The following ARFGEF1 variants were observed in gnomAD, a reference collection of about 807,000 sequenced individuals.
ARFGEF1 encodes ARF guanine nucleotide exchange factor 1.
In ARFGEF1, 42 loss-of-function variants were observed where a neutral mutation model predicts 231.0. The ratio of observed to expected loss-of-function variants is 0.18; its 90% CI spans 0.14 to 0.24. ARFGEF1 has a LOEUF of 0.24. Ranked by LOEUF, ARFGEF1 falls within the 10% of genes least tolerant of loss-of-function variation. The probability of loss-of-function intolerance (pLI) is 1.00; values close to 1 mark genes in which losing one functional copy is unlikely to be tolerated. For missense variants in ARFGEF1, 1,345 were observed against 2,192.0 expected (o/e 0.61, Z 7.72); for synonymous variants, 710 against 732.3 (o/e 0.97, Z 0.49).
Position 67,219,559 on chromosome 8 carries a change from C to T in ARFGEF1, c.4210G>A (p.Gly1404Ser). The T allele has an allele frequency of 6.3e-7, 1 of 1,587,478 alleles. No homozygotes were observed. Residue 1404 changes from glycine to serine, a missense_variant and splice_region_variant, in exon 30 of 39, where the codon GGT becomes AGT. Around this residue, in one of 14 missense-constraint regions of ARFGEF1, gnomAD observed 142 missense variants for 227.3 expected, o/e 0.62. Coordinates refer to ENST00000262215, the MANE Select transcript of ARFGEF1 (RefSeq NM_006421.5). The stretch of plus-strand genomic sequence containing the variant: ...ATTATTTCAAACATTACTGTTAAAC[C>T]CCTAAAATGACAAAACACAATTAGA... ...NRCKLDVRTR[G>S]LTVMFEIMKT...
intron 17 of ARFGEF1, among the ~76,000 whole-genome samples, 187 bp downstream of exon 17, chr8:67,257,545 A>C (rs1563868878): frequency 6.9e-6 from 1 of 144,866 alleles, no homozygotes; most frequent in Non-Finnish European, 1.5e-5. Flanking sequence ...ATAGATACCT[A>C]AAAGTCTAAT....
chr8:67,276,377 T>G (rs1223763409), intron 8 of ARFGEF1, among the ~76,000 whole-genome samples: 1 of 152,102 alleles, frequency 6.6e-6, no homozygotes, highest in African/African-American at 2.4e-5. Flanking sequence ...CTCATACTAT[T>G]ACTGACAAAA....
Position 67,282,675 on chromosome 8 carries a change from G to A in ARFGEF1, c.1028-5218C>T, listed in dbSNP as rs575634193. On this transcript the variant is annotated intron_variant, in intron 7 of 38. Coordinates refer to ENST00000262215, the MANE Select transcript of ARFGEF1 (RefSeq NM_006421.5). The stretch of plus-strand genomic sequence containing the variant: ...AGCCTGGCCAACATGGTAAAACCCC[G>A]TCTCTACCAAAAAAATACAAAAATT... Among the ~76,000 whole-genome samples the A allele has an allele frequency of 1.1e-4, 16 of 151,760 alleles. 1 individual carries two copies. In the South Asian group the frequency reaches 2.3e-3, roughly 22 times the overall value.
chr8:67,258,195 G>A lies in ARFGEF1; in HGVS notation c.2331C>T (p.Phe777=), dbSNP rs201018737. ...VDQHDFSGKD[F]VSALRMFLEG... ...CTAGAAACATACGAAGGGCTGAAACGAAGTCTTTTCCTGAAAAGTCATGTT... is the reference window on the plus strand; with the variant it reads ...CTAGAAACATACGAAGGGCTGAAACAAAGTCTTTTCCTGAAAAGTCATGTT... Residue 777 remains phenylalanine, a synonymous_variant, in exon 16 of 39, where the codon TTC becomes TTT. Transcript: ENST00000262215. 148 of 1,612,176 alleles carry A rather than the reference G, an allele frequency of 9.2e-5. No individual in the cohort carries two copies. Among genetic ancestry groups the A allele is most frequent in the Middle Eastern group, 1.6e-4 (1 of 6,080 alleles).
At chr8:67,234,077 T>C (rs1399911929) in intron 22 of ARFGEF1, among the ~76,000 whole-genome samples, 1 of 152,080 alleles carries the variant, frequency 6.6e-6, no homozygotes, top group Non-Finnish European at 1.5e-5. Context: ...TACTCAAAAT[T>C]AAGTCCAAAG....
At chr8:67,330,047 A>G (rs569692096) in intron 1 of ARFGEF1, among the ~76,000 whole-genome samples, 12 of 152,232 alleles carry the variant, frequency 7.9e-5, no homozygotes, top group Non-Finnish European at 1.3e-4. Context: ...TAAAACAGAA[A>G]AAGATTAGCA....
chr8:67,212,395 A>G (rs1021626611), intron 33 of ARFGEF1, among the ~76,000 whole-genome samples: 1 of 152,128 alleles, frequency 6.6e-6, no homozygotes, highest in Admixed American at 6.5e-5. Flanking sequence ...AGGTTCCAGT[A>G]TTATTAAGAG....
chr8:67,343,062 C>CGCGGGCCTCGG (rs1563926678), intron 1 of ARFGEF1, 102 bp downstream of exon 1: 2 of 1,363,586 alleles, frequency 1.5e-6, no homozygotes, highest in East Asian at 2.5e-5. Context: ...AGGTCAGAGG[C>CGCGGGCCTCGG]GCGGGCCTCG....
At chr8:67,237,433 C>T (rs1839804297) in intron 22 of ARFGEF1, among the ~76,000 whole-genome samples, 1 of 152,138 alleles carries the variant, frequency 6.6e-6, no homozygotes, top group Non-Finnish European at 1.5e-5. Flanking sequence ...TAATTCTTTT[C>T]CTATGGATCC....
At chr8:67,339,556 A>G (rs1808503608) in intron 1 of ARFGEF1, among the ~76,000 whole-genome samples, 1 of 151,890 alleles carries the variant, frequency 6.6e-6, no homozygotes, top group South Asian at 2.1e-4. Flanking sequence ...ATCCCACAAC[A>G]ATCCTAAATT....
intron 13 of ARFGEF1, among the ~76,000 whole-genome samples, 185 bp from the exon 14 acceptor site, chr8:67,266,392 C>T (rs1179546208): frequency 6.6e-6 from 1 of 152,128 alleles, no homozygotes; most frequent in Non-Finnish European, 1.5e-5. Context: ...GTAATTTGTA[C>T]GTGTATAGTC....
intron 9 of ARFGEF1, among the ~76,000 whole-genome samples, chr8:67,273,624 GA>G (rs1442493387): frequency 1.3e-5 from 2 of 151,930 alleles, no homozygotes; most frequent in Admixed American, 6.6e-5. Flanking sequence ...TACTTTCTCT[GA>G]AATAAAACTG....
rs140118828 is a variant in ARFGEF1, at chr8:67,226,107, C to T, written c.3993G>A (p.Ala1331=). The part of the protein sequence containing the change: ...QDAVKCLSEF[A]CNAAFPDTSM... ...TTGTGTCTGGGAAAGCTGCATTGCA[C>T]GCAAATTCAGACAAACACTTCACTG... Residue 1331 remains alanine, a synonymous_variant, in exon 28 of 39, where the codon GCG becomes GCA. Transcript: ENST00000262215. 241 of 1,612,980 alleles carry T rather than the reference C, an allele frequency of 1.5e-4. No homozygotes were observed. The highest frequency in any genetic ancestry group is 2.0e-4 in the Admixed American group (12 of 59,886).
chr8:67,265,720 G>C lies in ARFGEF1; in HGVS notation c.2123+286C>G, dbSNP rs143888062. 6.0e-3 allele frequency among the ~76,000 whole-genome samples: 915 copies of C among 152,132 alleles called. 9 individuals carry two copies. The highest frequency in any genetic ancestry group is 0.024 in the Middle Eastern group (7 of 294). ...CACATGATTAGAAAATATAATGGGG[G>C]GATGTCATGAGCTAAACAGTGCAAA... On this transcript the variant is annotated intron_variant, in intron 14 of 38. Coordinates refer to ENST00000262215, the MANE Select transcript of ARFGEF1 (RefSeq NM_006421.5).
chr8:67,181,111 C>T (rs116693105), intron 5 of ARFGEF1, among the ~76,000 whole-genome samples: 2,291 of 152,014 alleles, frequency 0.015, 60 homozygotes, highest in African/African-American at 0.053. Context: ...AATCATTGCT[C>T]ACTACAGCCT....
At chr8:67,218,210 ATATATATATAT>A in intron 30 of ARFGEF1, 72 bp from the exon 31 acceptor site, 1 of 96,336 alleles carries the variant, frequency 1.0e-5, no homozygotes, top group African/African-American at 5.9e-5. Context: ...AAAAAAAAAT[ATATATATATAT>A]ATATATATAT....
At chr8:67,261,649 A>G (rs1475785164) in intron 14 of ARFGEF1, among the ~76,000 whole-genome samples, 1 of 152,188 alleles carries the variant, frequency 6.6e-6, no homozygotes. Flanking sequence ...CACAATATCC[A>G]TTCTGCAGCC....
intron 14 of ARFGEF1, among the ~76,000 whole-genome samples, chr8:67,262,562 T>C (rs1804679981): frequency 6.6e-6 from 1 of 152,198 alleles, no homozygotes; most frequent in Non-Finnish European, 1.5e-5. Flanking sequence ...TGTAGGTAAA[T>C]ACTATCAAAC....
At chr8:67,286,658 C>T (rs532658136) in intron 7 of ARFGEF1, among the ~76,000 whole-genome samples, 21 of 152,228 alleles carry the variant, frequency 1.4e-4, no homozygotes, top group Non-Finnish European at 2.6e-4. Flanking sequence ...AAAGAATGCA[C>T]GGGCATGTAC....
Sources: allele counts gnomAD v4.1 joint callset (sites outside exome capture counted in the v4.1 genomes callset), GRCh38; gene constraint gnomAD v4.1.1; regional missense constraint gnomAD v4.1.1; transcripts MANE v1.5; gene names NCBI Gene and HGNC (gene_info 2026-07-23, HGNC 2026-07-21).